Variants in TRNAU1AP observed in about 807,000 individuals in gnomAD.
The protein encoded by TRNAU1AP is tRNA selenocysteine 1 associated protein 1, also known as tRNA selenocysteine 1-associated protein 1.
Under a neutral mutation model 43.3 loss-of-function variants are expected in TRNAU1AP, and 33 were observed. The observed-to-expected ratio is 0.76, with a 90% CI of 0.58 to 1.02. TRNAU1AP has a LOEUF of 1.02. Ranked by LOEUF, TRNAU1AP falls within the 50% of genes least tolerant of loss-of-function variation. TRNAU1AP has a pLI of 0.00. For synonymous variants in TRNAU1AP, 143 were observed against 129.1 expected (o/e 1.11, Z -0.73); for missense variants, 290 against 362.7 (o/e 0.80, Z 1.63).
intron 4 of TRNAU1AP, among the ~76,000 whole-genome samples, chr1:28,562,785 G>C (rs1211006755): frequency 6.6e-6 from 1 of 151,852 alleles, no homozygotes; most frequent in Non-Finnish European, 1.5e-5. Context: ...GTTTCACCGT[G>C]TTAGCCAGGA....
At chr1:28,566,295 A>G (rs1665535650) in intron 5 of TRNAU1AP, among the ~76,000 whole-genome samples, 1 of 147,260 alleles carries the variant, frequency 6.8e-6, no homozygotes, top group Non-Finnish European at 1.5e-5. Flanking sequence ...AGCCTGGGAG[A>G]CACAGCGAGA....
At chr1:28,557,444 T>C (rs1219558700) in intron 2 of TRNAU1AP, among the ~76,000 whole-genome samples, 13 of 148,300 alleles carry the variant, frequency 8.8e-5, no homozygotes. Context: ...AAATAAGATA[T>C]GGAACTCTTG....
chr1:28,564,277 T>A lies in TRNAU1AP; in HGVS notation c.279-426T>A, dbSNP rs183762358. ...AAAACTCCATCTCAGAAAAAAAGATTGGGGATTTAATTTTCGCTAGGCTTT... is the reference window on the plus strand; with the variant it reads ...AAAACTCCATCTCAGAAAAAAAGATAGGGGATTTAATTTTCGCTAGGCTTT... On this transcript the variant is annotated intron_variant, in intron 4 of 8. Coordinates refer to ENST00000373830, the MANE Select transcript of TRNAU1AP (RefSeq NM_017846.5). Among the ~76,000 whole-genome samples the A allele has an allele frequency of 2.6e-3, 402 of 152,194 alleles. 1 individual carries two copies. The highest frequency in any genetic ancestry group is 9.3e-3 in the African/African-American group (387 of 41,530).
intron 2 of TRNAU1AP, among the ~76,000 whole-genome samples, chr1:28,555,853 T>C (rs1274242253): frequency 6.7e-6 from 1 of 149,662 alleles, no homozygotes; most frequent in Non-Finnish European, 1.5e-5. Context: ...TCTCATTTTT[T>C]TTTCTTTTTT....
intron 5 of TRNAU1AP, chr1:28,565,204 G>C (rs1047369973): frequency 9.1e-6 from 2 of 220,892 alleles, no homozygotes; most frequent in Non-Finnish European, 1.8e-5. Flanking sequence ...TCCACTTCAG[G>C]CTGGGCGTGG....
In TRNAU1AP at chr1:28,564,722, G is replaced by T. The variant is rs1241248404; in HGVS notation, c.298G>T (p.Val100Leu). 4 of 1,614,022 alleles carry T rather than the reference G, an allele frequency of 2.5e-6. No homozygotes were observed. In the South Asian group the frequency reaches 4.4e-5, roughly 18 times the overall value. Residue 100 changes from valine to leucine, a missense_variant, in exon 5 of 9, where the codon GTG (valine) becomes TTG (leucine). Val to Leu is a conservative substitution (Grantham distance 32). This residue lies in a region of TRNAU1AP where 174 missense variants were observed against 262.1 expected (regional missense o/e 0.66). Coordinates refer to ENST00000373830, the MANE Select transcript of TRNAU1AP (RefSeq NM_017846.5). ...CCTCAGCCCTGAGTATTCCCTCTTT[G>T]TGGGGGACCTGACCCCGGACGTGGA... is the stretch of plus-strand genomic sequence containing the variant. ...PDNSPEYSLF[V>L]GDLTPDVDDG...
rs777192909 is a variant in TRNAU1AP, at chr1:28,561,368, A to T, written c.248A>T (p.Tyr83Phe). The T allele has an allele frequency of 1.9e-6, 3 of 1,614,206 alleles. No individual in the cohort carries two copies. The highest frequency in any genetic ancestry group is 3.3e-5 in the Admixed American group (2 of 60,010). ...CAGGCGAAACGTTTTAAACTGAACT[A>T]TGCCACTTACGGGAAACAACCAGAT... ...ATPAKRFKLNYATYGKQPDNS... is the reference protein window; with the variant it reads ...ATPAKRFKLNFATYGKQPDNS... The change falls in exon 4 of 9, where the codon TAT becomes TTT. Residue 83 changes from tyrosine (Y) to phenylalanine (F), a missense_variant. By Grantham distance (22) the Tyr-to-Phe change is conservative. Coordinates refer to ENST00000373830, the MANE Select transcript of TRNAU1AP (RefSeq NM_017846.5).
At position 28,563,452 on chromosome 1, in the gene TRNAU1AP, G is replaced by A. The variant is rs549000107; in HGVS notation, c.279-1251G>A. ...AATCCCGGCACTTTGGGAGGCCGAG[G>A]AGGGTGGATCACCTGCGGTCGGGAG... On this transcript the variant is annotated intron_variant, in intron 4 of 8. Coordinates refer to ENST00000373830, the MANE Select transcript of TRNAU1AP (RefSeq NM_017846.5). Among the ~76,000 whole-genome samples the A allele has an allele frequency of 1.3e-4, 20 of 152,108 alleles. 1 individual carries two copies. The highest frequency in any genetic ancestry group is 9.8e-4 in the Admixed American group (15 of 15,266).
Position 28,567,276 on chromosome 1 carries a change from T to C in TRNAU1AP, c.411-18T>C. 6.2e-7 allele frequency: 1 copy of C among 1,611,028 alleles called. No individual in the cohort carries two copies. The highest frequency in any genetic ancestry group is 1.1e-5 in the South Asian group (1 of 90,378). ...TTAATCACATTTGTGATCTAAATTG[T>C]ATATTTTTTTCATGCAGGGGTTATG... On this transcript the variant is annotated intron_variant, in intron 5 of 8. Transcript: ENST00000373830.
At position 28,577,518 on chromosome 1, in the gene TRNAU1AP, A is replaced by G; in HGVS notation, c.746A>G (p.Asp249Gly). Residue 249 changes from aspartate to glycine, a missense_variant, in exon 9 of 9, where the codon GAT becomes GGT. By Grantham distance (94) the Asp-to-Gly change is moderately conservative. Coordinates refer to ENST00000373830, the MANE Select transcript of TRNAU1AP (RefSeq NM_017846.5). The stretch of plus-strand genomic sequence containing the variant: ...TTTCCAGACCCCATGCCACAGCTGG[A>G]TGTGACTGAGGCCAACAAGGAGTTC... Reference protein sequence around the residue: ...DALEDPMPQLDVTEANKEFME... With the variant: ...DALEDPMPQLGVTEANKEFME... 1 of 1,614,030 alleles carries G rather than the reference A, an allele frequency of 6.2e-7. No homozygotes were observed. Among genetic ancestry groups the G allele is most frequent in the Admixed American group, 1.7e-5 (1 of 60,002 alleles).
intron 6 of TRNAU1AP, among the ~76,000 whole-genome samples, chr1:28,568,019 C>T (rs1473177210): frequency 1.3e-5 from 2 of 152,028 alleles, no homozygotes; most frequent in Non-Finnish European, 2.9e-5. Context: ...CAAAAATTAG[C>T]CAGTCATGGT....
At chr1:28,555,857 CTTTTT>C (rs374688110) in intron 2 of TRNAU1AP, among the ~76,000 whole-genome samples, 2 of 126,614 alleles carry the variant, frequency 1.6e-5, no homozygotes, top group Non-Finnish European at 1.7e-5. Flanking sequence ...ATTTTTTTTT[CTTTTT>C]TTTTTTTTTG....
Position 28,567,275 on chromosome 1 carries a change from G to T in TRNAU1AP, c.411-19G>T, listed in dbSNP as rs749848425. ...TTTAATCACATTTGTGATCTAAATT[G>T]TATATTTTTTTCATGCAGGGGTTAT... On this transcript the variant is annotated intron_variant, in intron 5 of 8. Transcript: ENST00000373830. 8.1e-6 allele frequency: 13 copies of T among 1,610,292 alleles called. No homozygotes were observed. Among genetic ancestry groups the T allele is most frequent in the Admixed American group, 1.7e-5 (1 of 58,768 alleles).
rs747687025 is a variant in TRNAU1AP at position 28,557,468 on chromosome 1, TC to T, written c.126-3164del. On this transcript the variant is annotated intron_variant, in intron 2 of 8. Coordinates refer to ENST00000373830, the MANE Select transcript of TRNAU1AP (RefSeq NM_017846.5). Reference sequence around the variant, plus strand: ...ATGGAACTCTTGTTTCTTACATGTTTCTTTTTTTTTTTTTTTTTTTTACTTT... The same window carrying T: ...ATGGAACTCTTGTTTCTTACATGTTTTTTTTTTTTTTTTTTTTTTTACTTT... 4.2e-5 allele frequency among the ~76,000 whole-genome samples: 6 copies of T among 142,396 alleles called. No individual in the cohort carries two copies. The East Asian group carries it at 1.2e-3, about 28-fold the overall frequency. The allele number at this position is 142,396 out of a possible 152,430, so 93.4% of individuals were successfully genotyped here. A position where few individuals can be genotyped will look rare whatever the true frequency, so the allele number is the denominator to read the frequency against.
chr1:28,562,470 A>T (rs1316902295), intron 4 of TRNAU1AP, among the ~76,000 whole-genome samples: 1 of 152,232 alleles, frequency 6.6e-6, no homozygotes, highest in Admixed American at 6.5e-5. Flanking sequence ...CGTATTTATG[A>T]ACATTTAGAA....
intron 2 of TRNAU1AP, among the ~76,000 whole-genome samples, chr1:28,557,770 T>C (rs1665300554): frequency 6.6e-6 from 1 of 151,866 alleles, no homozygotes; most frequent in African/African-American, 2.4e-5. Flanking sequence ...TGTATTCTTA[T>C]TACAGACAGG....
chr1:28,573,963 G>C (rs116292724), intron 8 of TRNAU1AP, among the ~76,000 whole-genome samples: 1 of 151,496 alleles, frequency 6.6e-6, no homozygotes, highest in Admixed American at 6.6e-5. Context: ...AGTATTTACT[G>C]TCTAGGCACG....
intron 6 of TRNAU1AP, 29 bp from the exon 7 acceptor site, chr1:28,571,141 GCTTACA>G: frequency 6.2e-7 from 1 of 1,607,394 alleles, no homozygotes; most frequent in East Asian, 2.2e-5. Flanking sequence ...GGAAATGTTT[GCTTACA>G]CTTATTTTTG....
intron 5 of TRNAU1AP, among the ~76,000 whole-genome samples, chr1:28,566,368 A>G (rs1368569447): frequency 6.6e-6 from 1 of 150,708 alleles, no homozygotes; most frequent in African/African-American, 2.4e-5. Context: ...TTGTAATCCC[A>G]GCACTTTGGG....
Sources: allele counts gnomAD v4.1 joint callset (sites outside exome capture counted in the v4.1 genomes callset), GRCh38; gene constraint gnomAD v4.1.1; regional missense constraint gnomAD v4.1.1; transcripts MANE v1.5; gene names NCBI Gene and HGNC (gene_info 2026-07-23, HGNC 2026-07-21).